Variants in DPF1 observed in about 807,000 individuals in gnomAD.
The protein encoded by DPF1 is double PHD fingers 1, also known as zinc finger protein neuro-d4.
In DPF1, 14 loss-of-function variants were observed where a neutral mutation model predicts 58.7. The ratio of observed to expected loss-of-function variants is 0.24; its 90% CI spans 0.16 to 0.37. DPF1 has a LOEUF of 0.37. Ranked by LOEUF, DPF1 falls within the 10% of genes least tolerant of loss-of-function variation. The pLI, the probability that DPF1 is intolerant of heterozygous loss-of-function variation, is 1.00. For synonymous variants in DPF1, 216 were observed against 216.0 expected (o/e 1.00, Z 0.00); for missense variants, 345 against 529.9 (o/e 0.65, Z 3.43).
intron 1 of DPF1, chr19:38,223,291 A>G (rs1967639161): frequency 6.5e-6 from 1 of 153,038 alleles, no homozygotes; most frequent in South Asian, 2.1e-4. Flanking sequence ...CAAAGACACA[A>G]GCATGTCAAA....
At chr19:38,212,437 G>A (rs963097554) in intron 10 of DPF1, 76 bp from the exon 11 acceptor site, 1 of 553,850 alleles carries the variant, frequency 1.8e-6, no homozygotes, top group Non-Finnish European at 3.3e-6. Context: ...CTGGGGCAGG[G>A]GCTAGGTCAA....
intron 5 of DPF1, 103 bp downstream of exon 5, chr19:38,218,470 C>T: frequency 8.1e-7 from 1 of 1,237,906 alleles, no homozygotes; most frequent in Non-Finnish European, 1.2e-6. Flanking sequence ...TCAATGAGGT[C>T]AGACTGAGGT....
Position 38,211,743 on chromosome 19 carries a change from A to T in DPF1, c.*320T>A. On this transcript the variant is annotated 3_prime_UTR_variant, in exon 12 of 12. Transcript: ENST00000355526. The surrounding 1 kb of genome is among the most constrained non-coding windows in gnomAD (Gnocchi z 4.0). Reference sequence around the variant, plus strand: ...ACTTTTTGTCTTTTTCTTTAGAAAAAGGCTCTGTCCATGCCCCTGGCTGGC... The same window carrying T: ...ACTTTTTGTCTTTTTCTTTAGAAAATGGCTCTGTCCATGCCCCTGGCTGGC... 4 of 319,604 alleles carry T rather than the reference A, an allele frequency of 1.3e-5. No individual in the cohort carries two copies. Among genetic ancestry groups the T allele is most frequent in the South Asian group, 1.3e-4 (1 of 7,454 alleles). The allele number at this position is 319,604 out of a possible 1,614,324, so 19.8% of individuals were successfully genotyped here.
At chr19:38,224,364 G>A, upstream of DPF1, 2 of 1,113,866 alleles carry the variant, frequency 1.8e-6, no homozygotes, top group Non-Finnish European at 2.3e-6. This position sits in a 1 kb window ranked among gnomAD's most constrained non-coding sequence, Gnocchi z 4.5. Flanking sequence ...GCGCGGAGGA[G>A]GGGCCCGGGG....
In DPF1 at chr19:38,222,871, G is replaced by A; in HGVS notation, c.30-163C>T. On this transcript the variant is annotated intron_variant, in intron 1 of 11. Transcript: ENST00000355526. The surrounding 1 kb of genome is among the most constrained non-coding windows in gnomAD (Gnocchi z 4.9). ...TCCCACTCCGGGACCCAGGCTGGGG[G>A]AAGGGGACAGGGCCCAGGGGCCCCC... 1 of 1,083,352 alleles carries A rather than the reference G, an allele frequency of 9.2e-7. No individual in the cohort carries two copies. The highest frequency in any genetic ancestry group is 1.2e-6 in the Non-Finnish European group (1 of 800,666). 67.1% of individuals were successfully genotyped at this position (1,083,352 alleles called of 1,614,324 possible).
intron 7 of DPF1, 26 bp from the exon 8 acceptor site, chr19:38,216,429 G>T: frequency 1.3e-6 from 2 of 1,558,736 alleles, no homozygotes; most frequent in Non-Finnish European, 1.7e-6. Context: ...CAGAGAGAGG[G>T]ACTCTCACCA....
upstream of DPF1, among the ~76,000 whole-genome samples, chr19:38,225,614 G>T (rs1967784927): frequency 6.6e-6 from 1 of 151,724 alleles, no homozygotes; most frequent in African/African-American, 2.4e-5. Flanking sequence ...AACTAAGTAA[G>T]CAGGGCGCCG....
rs1013051374 is a variant in DPF1, at chr19:38,217,677, C to A, written c.596-86G>T. The A allele has an allele frequency of 5.8e-6, 9 of 1,543,552 alleles. 1 individual carries two copies. The South Asian group carries it at 8.5e-5, about 14-fold the overall frequency. On this transcript the variant is annotated intron_variant, in intron 6 of 11. Coordinates refer to ENST00000355526, the MANE Select transcript of DPF1 (RefSeq NM_001135155.3). ...CTGGCCTCCAGGATCACACCTCCCC[C>A]CTCAGCCAGAGACCTGAGCAGCCTC...
At chr19:38,213,591 G>T in intron 10 of DPF1, 53 bp downstream of exon 10, 1 of 1,504,450 alleles carries the variant, frequency 6.6e-7, no homozygotes, top group Non-Finnish European at 9.2e-7. Flanking sequence ...GGCAGAGGTG[G>T]ACGTGCCAGG....
At chr19:38,225,602 A>C (rs1266269173), upstream of DPF1, among the ~76,000 whole-genome samples, 1 of 149,614 alleles carries the variant, frequency 6.7e-6, no homozygotes, top group African/African-American at 2.5e-5. Flanking sequence ...AAACAAACAA[A>C]AAACTAAGTA....
upstream of DPF1, among the ~76,000 whole-genome samples, chr19:38,226,412 G>A (rs1967821174): frequency 6.6e-6 from 1 of 150,658 alleles, no homozygotes; most frequent in Non-Finnish European, 1.5e-5. Flanking sequence ...CCAGCCGACA[G>A]AAGTGGCCCG....
At chr19:38,213,512 C>T (rs74412007) in intron 10 of DPF1, 132 bp downstream of exon 10, 7 of 740,712 alleles carry the variant, frequency 9.5e-6, no homozygotes, top group African/African-American at 1.8e-5. Context: ...TTATGGACAC[C>T]GGCATAATGA....
rs1302733968 is a variant in DPF1 at position 38,218,498 on chromosome 19, G to A, written c.516+75C>T. 371 of 1,468,232 alleles carry A rather than the reference G, an allele frequency of 2.5e-4. 1 individual carries two copies. Among genetic ancestry groups the A allele is most frequent in the South Asian group, 5.7e-5 (5 of 87,880 alleles). 91.0% of individuals were successfully genotyped at this position (1,468,232 alleles called of 1,614,324 possible). On this transcript the variant is annotated intron_variant, in intron 5 of 11. Coordinates refer to ENST00000355526, the MANE Select transcript of DPF1 (RefSeq NM_001135155.3). ...ACTGAGGTCAGACTGTGGCAGGGGCGGACCACTGCACCTGCTCCATGAATG... is the reference window on the plus strand; with the variant it reads ...ACTGAGGTCAGACTGTGGCAGGGGCAGACCACTGCACCTGCTCCATGAATG...
rs1357176953 is a variant in DPF1 at position 38,222,369 on chromosome 19, C to T, written c.286G>A (p.Glu96Lys). The T allele has an allele frequency of 3.1e-6, 5 of 1,590,384 alleles. No homozygotes were observed. Among genetic ancestry groups the T allele is most frequent in the Admixed American group, 1.9e-5 (1 of 52,522 alleles). Reference protein sequence around the residue: ...ILEDPRLRPCEYKIDCEAPLK... With the variant: ...ILEDPRLRPCKYKIDCEAPLK... ...CGGCTGCACCCACCGATCTTGTACT[C>T]GCAGGGCCTGAGTCTGGGGTCCTCC... Residue 96 changes from glutamate to lysine, a missense_variant, in exon 3 of 12, where the codon GAG becomes AAG. Physicochemically the swap from Glu to Lys is moderately conservative, Grantham distance 56. Transcript: ENST00000355526. This position sits in a 1 kb window ranked among gnomAD's most constrained non-coding sequence, Gnocchi z 4.9.
In DPF1 at chr19:38,217,629, T is replaced by G. The variant is rs1403888751; in HGVS notation, c.596-38A>C. On this transcript the variant is annotated intron_variant, in intron 6 of 11. Coordinates refer to ENST00000355526, the MANE Select transcript of DPF1 (RefSeq NM_001135155.3). ...CGAGCCAGGAGGGCCTGTCAGCCCC[T>G]CCGGGCCCCTGCCGCCTCCACCCTG... The G allele has an allele frequency of 2.0e-6, 3 of 1,530,852 alleles. No individual in the cohort carries two copies. The Admixed American group carries it at 6.0e-5, about 31-fold the overall frequency. The allele number at this position is 1,530,852 out of a possible 1,614,324, so 94.8% of individuals were successfully genotyped here.
intron 3 of DPF1, among the ~76,000 whole-genome samples, chr19:38,220,875 T>C (rs8105676): frequency 0.19 from 28,551 of 152,000 alleles, 2,776 homozygotes; most frequent in African/African-American, 0.22. Context: ...GAAGAGAAAC[T>C]GACCCCGAGG....
upstream of DPF1, chr19:38,224,235 C>CG (rs757042284): frequency 9.3e-5 from 119 of 1,276,632 alleles, no homozygotes; most frequent in Non-Finnish European, 1.1e-4. This position sits in a 1 kb window ranked among gnomAD's most constrained non-coding sequence, Gnocchi z 4.5. Flanking sequence ...CATTCATTCC[C>CG]GGGGGGCGGG....
At position 38,211,804 on chromosome 19, in the gene DPF1, A is replaced by G; in HGVS notation, c.*259T>C. On this transcript the variant is annotated 3_prime_UTR_variant, in exon 12 of 12. Transcript: ENST00000355526. The surrounding 1 kb of genome is among the most constrained non-coding windows in gnomAD (Gnocchi z 4.0). ...CCCCATGCCCGCCCAGAGGCGGGGTATGGCTTTGAGGGGAGAAGCCCCTGG... is the reference window on the plus strand; with the variant it reads ...CCCCATGCCCGCCCAGAGGCGGGGTGTGGCTTTGAGGGGAGAAGCCCCTGG... 2.1e-6 allele frequency: 1 copy of G among 483,432 alleles called. No individual in the cohort carries two copies. The highest frequency in any genetic ancestry group is 3.6e-6 in the Non-Finnish European group (1 of 277,792). The allele number at this position is 483,432 out of a possible 1,614,324, so 29.9% of individuals were successfully genotyped here.
At chr19:38,213,526 C>A (rs1365409753) in intron 10 of DPF1, 118 bp downstream of exon 10, 115 of 824,128 alleles carry the variant, frequency 1.4e-4, no homozygotes, top group Non-Finnish European at 3.4e-5. Context: ...ATAATGATAA[C>A]ACAGGGGACT....
Sources: allele counts gnomAD v4.1 joint callset (sites outside exome capture counted in the v4.1 genomes callset), GRCh38; gene constraint gnomAD v4.1.1; non-coding constraint Gnocchi (gnomAD v3.1); transcripts MANE v1.5; gene names NCBI Gene and HGNC (gene_info 2026-07-23, HGNC 2026-07-21).